TASP1: variants seen among roughly 807,000 people sequenced by gnomAD.
TASP1 encodes taspase 1, also known as threonine aspartase 1.
TASP1 carries 16 observed loss-of-function variants against 56.6 expected under a neutral mutation model. The observed-to-expected ratio is 0.28, with a 90% CI of 0.19 to 0.43. The LOEUF (loss-of-function observed/expected upper bound fraction) is 0.43, where lower values mean the gene tolerates loss of function less well. Ranked by LOEUF, TASP1 falls within the 20% of genes least tolerant of loss-of-function variation. TASP1 has a pLI of 1.00. For synonymous variants in TASP1, 179 were observed against 184.2 expected, an observed-to-expected ratio of 0.97 and a Z score of 0.23; for missense variants, 393 against 511.6, an observed-to-expected ratio of 0.77 and a Z score of 2.24.
intron 10 of TASP1, among the ~76,000 whole-genome samples, chr20:13,523,800 G>C (rs980774282): frequency 2.0e-5 from 3 of 152,078 alleles, no homozygotes; most frequent in African/African-American, 7.2e-5. Flanking sequence ...CAAGGTAGTA[G>C]GTCTTTCTTC....
intron 10 of TASP1, among the ~76,000 whole-genome samples, chr20:13,522,379 C>T (rs946162328): frequency 2.6e-5 from 4 of 152,270 alleles, no homozygotes; most frequent in East Asian, 1.9e-4. Context: ...GATGGCACCA[C>T]AGAACTGTTG....
Position 13,587,291 on chromosome 20 carries a change from T to C in TASP1, c.362A>G (p.Asp121Gly). The C allele has an allele frequency of 6.2e-7, 1 of 1,613,032 alleles. No individual in the cohort carries two copies. The highest frequency in any genetic ancestry group is 8.5e-7 in the Non-Finnish European group (1 of 1,179,588). The stretch of plus-strand genomic sequence containing the variant: ...TGCTCCAAAATTTAAGGATTTTCCA[T>C]CCATTATGCTGGCATCACACTCAAT... ...GEIECDASIM[D>G]GKSLNFGAVG... Residue 121 changes from aspartate to glycine, a missense_variant, in exon 5 of 14, where the codon GAT (aspartate) becomes GGT (glycine). Around this residue, in one of 3 missense-constraint regions of TASP1, gnomAD observed 48 missense variants for 106.2 expected, o/e 0.45. Transcript: ENST00000337743.
chr20:13,221,469 C>T, the TASP1 span, among the ~76,000 whole-genome samples: 2 of 145,550 alleles, frequency 1.4e-5, no homozygotes, highest in African/African-American at 2.5e-5. Context: ...TCTCCGTCTC[C>T]GCCGCCGCCG....
intron 4 of TASP1, chr20:13,616,825 C>CA (rs1172440541): frequency 3.3e-6 from 1 of 301,854 alleles, no homozygotes; most frequent in African/African-American, 2.3e-5. Flanking sequence ...CATCAGTACT[C>CA]AAAAAAGTGT....
At chr20:13,279,929 G>T in the TASP1 span, 66 of 1,601,198 alleles carry the variant, frequency 4.1e-5, no homozygotes, top group Non-Finnish European at 5.4e-5. Flanking sequence ...TATAAAATTG[G>T]TGGGAAGAAT....
chr20:13,348,481 C>G, the TASP1 span, among the ~76,000 whole-genome samples: 10 of 152,278 alleles, frequency 6.6e-5, no homozygotes, highest in South Asian at 2.1e-3. Context: ...TTGATAGAGT[C>G]TACTCATAGA....
chr20:13,186,261 A>G, the TASP1 span, among the ~76,000 whole-genome samples: 1 of 152,214 alleles, frequency 6.6e-6, no homozygotes, highest in Non-Finnish European at 1.5e-5. Flanking sequence ...TCCTTGTTAA[A>G]TATGTACATA....
chr20:13,303,076 A>G, the TASP1 span, among the ~76,000 whole-genome samples: 1 of 152,214 alleles, frequency 6.6e-6, no homozygotes, highest in African/African-American at 2.4e-5. Context: ...CGGCATTATT[A>G]CATCCAGTCT....
At chr20:13,476,606 C>T (rs2042958657) in intron 11 of TASP1, among the ~76,000 whole-genome samples, 1 of 151,960 alleles carries the variant, frequency 6.6e-6, no homozygotes, top group South Asian at 2.1e-4. Flanking sequence ...GATAGCAAGG[C>T]TGTTTTATTT....
At chr20:13,114,784 G>T in the TASP1 span, among the ~76,000 whole-genome samples, 1 of 151,926 alleles carries the variant, frequency 6.6e-6, no homozygotes, top group African/African-American at 2.4e-5. Context: ...CCACCAAGGA[G>T]ATTTTTCCAC....
chr20:13,541,927 C>A (rs1384345009), intron 8 of TASP1, among the ~76,000 whole-genome samples: 2 of 151,794 alleles, frequency 1.3e-5, no homozygotes, highest in Non-Finnish European at 2.9e-5. Flanking sequence ...TGCCCATAGT[C>A]CCAGCTACTC....
chr20:13,549,515 T>C (rs2045911717), intron 8 of TASP1, among the ~76,000 whole-genome samples: 1 of 152,130 alleles, frequency 6.6e-6, no homozygotes, highest in South Asian at 2.1e-4. Context: ...GCTATACATG[T>C]GTCAGCATCA....
chr20:13,216,918 T>C, the TASP1 span, among the ~76,000 whole-genome samples: 2 of 152,164 alleles, frequency 1.3e-5, no homozygotes, highest in Non-Finnish European at 2.9e-5. Context: ...AATCCACCCA[T>C]ATTCTATTGG....
At chr20:13,233,288 A>T in the TASP1 span, among the ~76,000 whole-genome samples, 1 of 152,076 alleles carries the variant, frequency 6.6e-6, no homozygotes, top group Non-Finnish European at 1.5e-5. Flanking sequence ...AGGGAGTAGG[A>T]AGAGCAAAAA....
chr20:13,574,804 GA>G (rs1264622233), intron 6 of TASP1, among the ~76,000 whole-genome samples: 2 of 151,418 alleles, frequency 1.3e-5, no homozygotes, highest in Non-Finnish European at 2.9e-5. Flanking sequence ...AACAAAGAGA[GA>G]AAAAACAATG....
At chr20:13,616,396 C>T (rs575729108) in intron 4 of TASP1, among the ~76,000 whole-genome samples, 19 of 152,234 alleles carry the variant, frequency 1.2e-4, no homozygotes, top group Non-Finnish European at 2.6e-4. Context: ...ACTGCTAGGT[C>T]TGATCTTGGA....
intron 12 of TASP1, among the ~76,000 whole-genome samples, chr20:13,433,822 T>C (rs1044687464): frequency 7.0e-6 from 1 of 143,424 alleles, no homozygotes; most frequent in Non-Finnish European, 1.5e-5. Context: ...CCCCCGTGGA[T>C]GACCTATAGT....
Position 13,526,129 on chromosome 20 carries a change from C to G in TASP1, c.874+2304G>C, listed in dbSNP as rs191192129. ...GAGTATGTTCTTATTCCAACTTGCA[C>G]ATCACCAATTTTAAAATAAGGGTAG... On this transcript the variant is annotated intron_variant, in intron 10 of 13. Transcript: ENST00000337743. 3.5e-3 allele frequency among the ~76,000 whole-genome samples: 536 copies of G among 152,260 alleles called. 2 individuals carry two copies. Among genetic ancestry groups the G allele is most frequent in the Non-Finnish European group, 5.8e-3 (394 of 68,016 alleles).
At chr20:13,621,602 CAA>C (rs2048720572) in intron 4 of TASP1, among the ~76,000 whole-genome samples, 2 of 151,828 alleles carry the variant, frequency 1.3e-5, no homozygotes, top group South Asian at 4.2e-4. Flanking sequence ...TAAAAAAACA[CAA>C]GTTATCCGAA....
Sources: allele counts gnomAD v4.1 joint callset (sites outside exome capture counted in the v4.1 genomes callset), GRCh38; gene constraint gnomAD v4.1.1; regional missense constraint gnomAD v4.1.1; transcripts MANE v1.5; gene names NCBI Gene and HGNC (gene_info 2026-07-23, HGNC 2026-07-21).